UNC80: variants seen among roughly 807,000 people sequenced by gnomAD.
UNC80 encodes the protein unc-80 subunit of NALCN channel complex.
UNC80 carries 164 observed loss-of-function variants against 384.6 expected under a neutral mutation model. The ratio of observed to expected loss-of-function variants is 0.43; its 90% CI spans 0.38 to 0.49. The LOEUF is 0.49. UNC80 is among the 20% of genes least tolerant of loss of function. UNC80 has a pLI of 0.00. For missense variants in UNC80, 3,330 were observed against 4,143.0 expected (o/e 0.80, Z 5.39); for synonymous variants, 1,486 against 1,527.8 (o/e 0.97, Z 0.64).
intron 58 of UNC80, among the ~76,000 whole-genome samples, chr2:209,977,881 C>CT (rs775086495): frequency 7.9e-5 from 12 of 152,116 alleles, no homozygotes; most frequent in South Asian, 2.1e-4. Flanking sequence ...GATAGGTTTT[C>CT]TTTTTTGTGG....
At chr2:209,988,786 C>T (rs1184795190) in intron 61 of UNC80, among the ~76,000 whole-genome samples, 1 of 152,154 alleles carries the variant, frequency 6.6e-6, no homozygotes. Flanking sequence ...ATGGGTCACA[C>T]CAGTTCTGCT....
chr2:209,845,537 C>T (rs1012121160), intron 21 of UNC80, among the ~76,000 whole-genome samples: 1 of 152,144 alleles, frequency 6.6e-6, no homozygotes, highest in African/African-American at 2.4e-5. Context: ...ATTCCATTCA[C>T]AGATTCAAAA....
chr2:209,849,657 C>T (rs1006088481), intron 22 of UNC80, 34 bp downstream of exon 22: 2 of 1,545,584 alleles, frequency 1.3e-6, no homozygotes, highest in Middle Eastern at 1.7e-4. Flanking sequence ...CACCCTGCCC[C>T]CCATCCCAAG....
At chr2:209,924,420 T>G (rs1575032974) in intron 35 of UNC80, among the ~76,000 whole-genome samples, 1 of 152,326 alleles carries the variant, frequency 6.6e-6, no homozygotes, top group Admixed American at 6.5e-5. Flanking sequence ...CTTAAGTGCC[T>G]TGAACTAATA....
At chr2:209,861,612 C>T (rs1574785228) in intron 22 of UNC80, among the ~76,000 whole-genome samples, 1 of 152,156 alleles carries the variant, frequency 6.6e-6, no homozygotes, top group South Asian at 2.1e-4. Flanking sequence ...AGAAATGGTA[C>T]CAGCTCCTCT....
intron 4 of UNC80, among the ~76,000 whole-genome samples, chr2:209,782,385 C>T (rs1404807832): frequency 6.6e-6 from 1 of 152,254 alleles, no homozygotes; most frequent in East Asian, 1.9e-4. Flanking sequence ...GGAATGCCCT[C>T]ATACCTCACT....
chr2:209,953,416 C>CAAAAAAA (rs543990253), intron 47 of UNC80, among the ~76,000 whole-genome samples: 1 of 42,438 alleles, frequency 2.4e-5, no homozygotes, highest in African/African-American at 7.7e-5. Context: ...AAGACTCTGT[C>CAAAAAAA]AAAAAAAAAA....
At chr2:209,967,169 A>G (rs756137509) in intron 51 of UNC80, among the ~76,000 whole-genome samples, 8 of 152,104 alleles carry the variant, frequency 5.3e-5, no homozygotes, top group Non-Finnish European at 8.8e-5. Flanking sequence ...GCCTATCCTT[A>G]ATCTCTCTGG....
Position 209,777,475 on chromosome 2 carries a change from C to G in UNC80, c.516C>G (p.Asn172Lys), listed in dbSNP as rs762713922. Reference protein sequence around the residue: ...CQSSSNDEEENNRRKIFQNSM... With the variant: ...CQSSSNDEEEKNRRKIFQNSM... ...GCAGCTCTAATGACGAAGAAGAGAA[C>G]AACCGAAGAAAGATCTTCCAGAACT... The change falls in exon 4 of 65, where the codon AAC becomes AAG. Residue 172 changes from asparagine to lysine, a missense_variant. Physicochemically the swap from Asn to Lys is moderately conservative, Grantham distance 94 (BLOSUM62 0). Transcript: ENST00000673920. 1 of 1,614,190 alleles carries G rather than the reference C, an allele frequency of 6.2e-7. No homozygotes were observed. The highest frequency in any genetic ancestry group is 8.5e-7 in the Non-Finnish European group (1 of 1,180,034).
rs1318719929 is a variant in UNC80 at position 209,904,968 on chromosome 2, A to T, written c.4782+3A>T. 2 of 1,551,572 alleles carry T rather than the reference A, an allele frequency of 1.3e-6. No homozygotes were observed. Among genetic ancestry groups the T allele is most frequent in the Non-Finnish European group, 1.7e-6 (2 of 1,146,874 alleles). ...TCCGGGGCAAGAAACAGAAAGAAGT[A>T]AGTAAATGACCATTGAATGATATTC... On this transcript the variant is annotated splice_donor_region_variant and intron_variant, in intron 29 of 64. Coordinates refer to ENST00000673920, the MANE Select transcript of UNC80 (RefSeq NM_001371986.1).
At chr2:209,915,732 G>A (rs1319219035) in intron 31 of UNC80, among the ~76,000 whole-genome samples, 1 of 152,182 alleles carries the variant, frequency 6.6e-6, no homozygotes, top group East Asian at 1.9e-4. Flanking sequence ...GTGTTTTGTT[G>A]TAGAGGAAGG....
At chr2:209,965,546 G>A (rs189492548) in intron 51 of UNC80, among the ~76,000 whole-genome samples, 92 of 151,022 alleles carry the variant, frequency 6.1e-4, no homozygotes, top group African/African-American at 1.9e-3. Context: ...TCAGCCTCCC[G>A]AGTAGTTGGG....
intron 28 of UNC80, among the ~76,000 whole-genome samples, chr2:209,904,422 C>A (rs1314919020): frequency 6.6e-6 from 1 of 152,176 alleles, no homozygotes; most frequent in Non-Finnish European, 1.5e-5. Context: ...TGGTTCCTTC[C>A]CCAATATAAG....
At chr2:209,972,361 T>C (rs1259096237) in intron 55 of UNC80, 37 bp downstream of exon 55, 1 of 1,544,966 alleles carries the variant, frequency 6.5e-7, no homozygotes. Flanking sequence ...TTATCATTGT[T>C]GTTGTGTTCT....
chr2:209,899,911 C>G (rs933143283), intron 28 of UNC80, among the ~76,000 whole-genome samples: 1 of 152,212 alleles, frequency 6.6e-6, no homozygotes, highest in African/African-American at 2.4e-5. Context: ...AGGGACTAGA[C>G]TATTCAGTTT....
intron 13 of UNC80, 35 bp from the exon 14 acceptor site, chr2:209,825,872 C>A (rs933520839): frequency 1.3e-6 from 2 of 1,491,932 alleles, no homozygotes; most frequent in Admixed American, 2.4e-5. Flanking sequence ...ACAAAGTAAA[C>A]AGACTTTTCT....
chr2:209,936,685 CAT>C (rs1473929529), intron 40 of UNC80, among the ~76,000 whole-genome samples, 157 bp from the exon 41 acceptor site: 1 of 152,020 alleles, frequency 6.6e-6, no homozygotes, highest in Non-Finnish European at 1.5e-5. Flanking sequence ...TACACACACA[CAT>C]ATCTAACGTA....
At chr2:209,914,308 A>C (rs1302505752) in intron 31 of UNC80, among the ~76,000 whole-genome samples, 3 of 152,230 alleles carry the variant, frequency 2.0e-5, no homozygotes, top group African/African-American at 7.2e-5. Context: ...ATCTTATGTG[A>C]GTAATGTTCT....
intron 28 of UNC80, among the ~76,000 whole-genome samples, chr2:209,896,963 G>A (rs1207808701): frequency 6.6e-6 from 1 of 152,032 alleles, no homozygotes; most frequent in African/African-American, 2.4e-5. Context: ...AAAGGTAAGG[G>A]AATGTAACCT....
Sources: allele counts gnomAD v4.1 joint callset (sites outside exome capture counted in the v4.1 genomes callset), GRCh38; gene constraint gnomAD v4.1.1; transcripts MANE v1.5; gene names NCBI Gene and HGNC (gene_info 2026-07-23, HGNC 2026-07-21).